Variants in OPCML observed in about 807,000 individuals in gnomAD.
The protein encoded by OPCML is opioid-binding protein/cell adhesion molecule.
Under a neutral mutation model 37.8 loss-of-function variants are expected in OPCML, and 13 were observed. The observed-to-expected ratio is 0.34, with a 90% CI of 0.22 to 0.55. The LOEUF (loss-of-function observed/expected upper bound fraction) is 0.55, where lower values mean the gene tolerates loss of function less well. Ranked by LOEUF, OPCML falls within the 20% of genes least tolerant of loss-of-function variation. OPCML has a pLI of 0.91. For missense variants in OPCML, 341 were observed against 435.6 expected, an observed-to-expected ratio of 0.78 and a Z score of 1.93; for synonymous variants, 176 against 168.8, an observed-to-expected ratio of 1.04 and a Z score of -0.33.
intron 1 of OPCML, among the ~76,000 whole-genome samples, chr11:133,009,756 A>G (rs1947180907): frequency 6.6e-6 from 1 of 152,192 alleles, no homozygotes. Flanking sequence ...ATGAGAATCT[A>G]ATGCCGCCTC....
intron 1 of OPCML, among the ~76,000 whole-genome samples, chr11:133,287,208 T>C (rs989667566): frequency 1.3e-5 from 2 of 152,102 alleles, no homozygotes; most frequent in African/African-American, 4.8e-5. Flanking sequence ...AGTAAAATTA[T>C]TTTGAAATTT....
intron 1 of OPCML, among the ~76,000 whole-genome samples, chr11:133,036,178 A>G (rs1947780367): frequency 6.6e-6 from 1 of 152,236 alleles, no homozygotes; most frequent in African/African-American, 2.4e-5. Context: ...GCTACTGGAC[A>G]ACAAATGATG....
At chr11:132,461,832 G>A (rs1484982649) in intron 4 of OPCML, among the ~76,000 whole-genome samples, 2 of 152,052 alleles carry the variant, frequency 1.3e-5, no homozygotes, top group African/African-American at 4.8e-5. Flanking sequence ...AAGCGAAAGG[G>A]GAAAAGCCCC....
chr11:132,766,257 G>T (rs1018694712), intron 2 of OPCML, among the ~76,000 whole-genome samples: 1 of 152,110 alleles, frequency 6.6e-6, no homozygotes, highest in Admixed American at 6.5e-5. Flanking sequence ...ATTATCAAAG[G>T]CTGCTACACA....
chr11:133,299,253 G>C (rs1942720950), intron 1 of OPCML: 1 of 152,224 alleles, frequency 6.6e-6, no homozygotes, highest in Non-Finnish European at 1.5e-5. Flanking sequence ...CAACTCTGGA[G>C]CCATTAATCA....
At chr11:133,135,622 A>G (rs770357050) in intron 1 of OPCML, among the ~76,000 whole-genome samples, 3 of 152,128 alleles carry the variant, frequency 2.0e-5, no homozygotes, top group Non-Finnish European at 4.4e-5. Context: ...TCATTGTAAT[A>G]TTCTGTGTAA....
intron 2 of OPCML, among the ~76,000 whole-genome samples, chr11:132,803,445 T>C (rs1252668338): frequency 6.6e-6 from 1 of 152,166 alleles, no homozygotes; most frequent in Non-Finnish European, 1.5e-5. Flanking sequence ...AAAATAAGAA[T>C]GAATCCCACT....
intron 1 of OPCML, among the ~76,000 whole-genome samples, chr11:133,484,164 G>GATAGATAGATAGA (rs1565660282): frequency 2.2e-5 from 3 of 138,210 alleles, no homozygotes; most frequent in African/African-American, 2.9e-5. Context: ...AGATAGATAG[G>GATAGATAGATAGA]TAGATAGATA....
chr11:133,210,035 C>T (rs113461459), intron 1 of OPCML, among the ~76,000 whole-genome samples: 27 of 152,170 alleles, frequency 1.8e-4, no homozygotes, highest in African/African-American at 5.1e-4. Flanking sequence ...CATATTTGCA[C>T]GCACACACCT....
intron 2 of OPCML, among the ~76,000 whole-genome samples, chr11:132,769,521 A>G (rs1467406346): frequency 6.6e-6 from 1 of 152,146 alleles, no homozygotes; most frequent in East Asian, 1.9e-4. Context: ...TAGCTCACAC[A>G]CAGCTGCCCA....
chr11:132,485,165 C>T (rs1251427770), intron 4 of OPCML, among the ~76,000 whole-genome samples: 1 of 152,046 alleles, frequency 6.6e-6, no homozygotes, highest in Non-Finnish European at 1.5e-5. Context: ...GAATTAGTGT[C>T]TAGGTATTAA....
rs113475649 is a variant in OPCML at position 132,691,006 on chromosome 11, C to T, written c.147-33687G>A. Among the ~76,000 whole-genome samples the T allele has an allele frequency of 2.4e-4, 36 of 152,328 alleles. 1 individual carries two copies. Among genetic ancestry groups the T allele is most frequent in the African/African-American group, 8.2e-4 (34 of 41,584 alleles). On this transcript the variant is annotated intron_variant, in intron 2 of 7. Transcript: ENST00000524381. The stretch of plus-strand genomic sequence containing the variant: ...TCATCAGACCACTAATAAGACCTAA[C>T]ATTGATCTTGCTCTTGCATAGAAGG...
intron 3 of OPCML, among the ~76,000 whole-genome samples, chr11:132,642,321 AT>A (rs1940896200): frequency 6.6e-6 from 1 of 152,214 alleles, no homozygotes; most frequent in African/African-American, 2.4e-5. Flanking sequence ...TCAGAAGTAC[AT>A]CTTGAACATG....
chr11:133,144,542 C>T (rs548540176), intron 1 of OPCML, among the ~76,000 whole-genome samples: 1 of 152,322 alleles, frequency 6.6e-6, no homozygotes, highest in Admixed American at 6.5e-5. Context: ...CCCAGGGAAG[C>T]CTTCAGCTGT....
chr11:132,881,970 C>T (rs923022543), intron 2 of OPCML, among the ~76,000 whole-genome samples: 4 of 152,190 alleles, frequency 2.6e-5, no homozygotes, highest in Non-Finnish European at 5.9e-5. Context: ...TAAATTAGTA[C>T]ATTTCACTGC....
intron 3 of OPCML, among the ~76,000 whole-genome samples, chr11:132,607,106 G>T (rs7350510): frequency 6.6e-6 from 1 of 152,210 alleles, no homozygotes; most frequent in African/African-American, 2.4e-5. Context: ...CCAGCAGGGT[G>T]CTTGAGTCAC....
chr11:133,432,944 A>G (rs951351973), intron 1 of OPCML, among the ~76,000 whole-genome samples: 4 of 152,198 alleles, frequency 2.6e-5, no homozygotes, highest in Non-Finnish European at 5.9e-5. Flanking sequence ...AAAATCATTC[A>G]GGCACTAACC....
At chr11:132,759,432 G>T (rs1447110097) in intron 2 of OPCML, among the ~76,000 whole-genome samples, 5 of 152,008 alleles carry the variant, frequency 3.3e-5, no homozygotes, top group African/African-American at 1.2e-4. Context: ...TCTGGTCCTG[G>T]GCTTTTTTTG....
intron 1 of OPCML, among the ~76,000 whole-genome samples, chr11:133,317,384 C>T (rs1260952722): frequency 6.6e-6 from 1 of 152,054 alleles, no homozygotes; most frequent in Non-Finnish European, 1.5e-5. Flanking sequence ...TAAATAAAAT[C>T]CAGGGCATTT....
Sources: allele counts gnomAD v4.1 joint callset (sites outside exome capture counted in the v4.1 genomes callset), GRCh38; gene constraint gnomAD v4.1.1; transcripts MANE v1.5; gene names NCBI Gene and HGNC (gene_info 2026-07-23, HGNC 2026-07-21).